Variants in NTRK3 observed in about 807,000 individuals in gnomAD.
NTRK3 encodes the protein neurotrophic receptor tyrosine kinase 3.
NTRK3 carries 24 observed loss-of-function variants against 91.7 expected under a neutral mutation model. That is an observed-to-expected ratio of 0.26 (90% confidence interval 0.19 to 0.37). The LOEUF is 0.37. Ranked by LOEUF, NTRK3 falls within the 10% of genes least tolerant of loss-of-function variation. The probability of loss-of-function intolerance (pLI) is 1.00; values close to 1 mark genes in which losing one functional copy is unlikely to be tolerated. For synonymous variants in NTRK3, 483 were observed against 404.0 expected (o/e 1.20, Z -2.34); for missense variants, 880 against 1,068.9 (o/e 0.82, Z 2.46).
intron 13 of NTRK3, among the ~76,000 whole-genome samples, chr15:88,076,691 A>G (rs1298154651): frequency 2.2e-5 from 3 of 134,600 alleles, no homozygotes; most frequent in East Asian, 2.3e-4. Flanking sequence ...AAAAAAAAAA[A>G]GCACTTAAAG....
intron 14 of NTRK3, among the ~76,000 whole-genome samples, chr15:88,008,616 T>C (rs1032021492): frequency 4.6e-5 from 7 of 152,112 alleles, no homozygotes; most frequent in African/African-American, 1.7e-4. Flanking sequence ...ACATTTTAAA[T>C]TCTACTAAGT....
In NTRK3 at chr15:87,893,704, C is replaced by T. The variant is rs953449789; in HGVS notation, c.2134-13276G>A. Reference sequence around the variant, plus strand: ...TGGATTCCAAAAATCACAGAGAAGCCTGCTTCTCACTGAGAGGTTCAAAAC... The same window carrying T: ...TGGATTCCAAAAATCACAGAGAAGCTTGCTTCTCACTGAGAGGTTCAAAAC... On this transcript the variant is annotated intron_variant, in intron 17 of 18. Coordinates refer to ENST00000394480, the Ensembl canonical transcript of NTRK3. Among the ~76,000 whole-genome samples the T allele has an allele frequency of 2.6e-5, 4 of 152,178 alleles. No individual in the cohort carries two copies. The South Asian group carries it at 8.3e-4, about 32-fold the overall frequency.
chr15:88,171,375 G>C (rs951316051), intron 5 of NTRK3, among the ~76,000 whole-genome samples: 15 of 152,140 alleles, frequency 9.9e-5, no homozygotes, highest in African/African-American at 3.4e-4. Context: ...AGAAGACATG[G>C]AGGGTCTCTG....
intron 3 of NTRK3, among the ~76,000 whole-genome samples, chr15:88,188,220 G>T (rs952759976): frequency 6.6e-6 from 1 of 152,226 alleles, no homozygotes; most frequent in Non-Finnish European, 1.5e-5. Flanking sequence ...ACAGAGAGTG[G>T]AGGGAGGAGA....
chr15:87,918,941 C>T (rs1325199985), intron 17 of NTRK3, among the ~76,000 whole-genome samples: 5 of 152,162 alleles, frequency 3.3e-5, no homozygotes, highest in African/African-American at 1.2e-4. Context: ...AACCGAGTGA[C>T]TGAACTGGGA....
chr15:88,026,225 T>C lies in NTRK3; in HGVS notation c.1585+6632A>G, dbSNP rs1433553948. Among the ~76,000 whole-genome samples, 3 of 152,024 alleles carry C rather than the reference T, an allele frequency of 2.0e-5. No individual in the cohort carries two copies. The East Asian group carries it at 5.8e-4, about 29-fold the overall frequency. ...GGTGGAGCTTGCAGTGAGCCAAGAA[T>C]GCGCCACTGCACTCCAGCCTGGGCG... is the stretch of plus-strand genomic sequence containing the variant. On this transcript the variant is annotated intron_variant, in intron 14 of 18. Coordinates refer to ENST00000394480, the Ensembl canonical transcript of NTRK3.
intron 13 of NTRK3, among the ~76,000 whole-genome samples, chr15:88,078,305 T>TA (rs955597253): frequency 3.9e-5 from 6 of 152,158 alleles, no homozygotes; most frequent in Non-Finnish European, 7.4e-5. Context: ...AAGAAGCACA[T>TA]ACCTCACATG....
At position 88,048,639 on chromosome 15, in the gene NTRK3, G is replaced by A. The variant is rs149178325; in HGVS notation, c.1397-15594C>T. Among the ~76,000 whole-genome samples the A allele has an allele frequency of 3.8e-3, 583 of 152,264 alleles. 8 individuals carry two copies. Among genetic ancestry groups the A allele is most frequent in the East Asian group, 0.011 (55 of 5,186 alleles). On this transcript the variant is annotated intron_variant, in intron 13 of 18. Coordinates refer to ENST00000394480, the Ensembl canonical transcript of NTRK3. ...ATTTTGCTCTCATGATGGGAAGACT[G>A]AATATCTGGCCCCTCCTTTTCCTGC...
At chr15:87,994,843 G>C (rs2075569358) in intron 14 of NTRK3, among the ~76,000 whole-genome samples, 1 of 152,178 alleles carries the variant, frequency 6.6e-6, no homozygotes, top group Admixed American at 6.5e-5. Context: ...AAGTGACAGT[G>C]CTAGAACTGC....
intron 17 of NTRK3, among the ~76,000 whole-genome samples, chr15:87,897,361 T>A (rs1467071750): frequency 6.6e-6 from 1 of 152,208 alleles, no homozygotes; most frequent in Non-Finnish European, 1.5e-5. Context: ...CCCCAAGCAA[T>A]GTATTTTTTA....
intron 14 of NTRK3, among the ~76,000 whole-genome samples, chr15:87,964,357 ATATAT>A (rs1409690406): frequency 1.8e-4 from 27 of 151,022 alleles, no homozygotes; most frequent in Non-Finnish European, 2.4e-4. Context: ...TAAAGTTTAC[ATATAT>A]TATATATGTT....
intron 13 of NTRK3, among the ~76,000 whole-genome samples, chr15:88,114,100 T>A (rs1401550031): frequency 1.3e-5 from 2 of 152,164 alleles, no homozygotes; most frequent in African/African-American, 4.8e-5. Flanking sequence ...TCCTGCTCTG[T>A]GCAGTCAGCA....
intron 5 of NTRK3, among the ~76,000 whole-genome samples, chr15:88,182,352 C>T (rs1348236281): frequency 6.6e-6 from 1 of 152,168 alleles, no homozygotes; most frequent in East Asian, 1.9e-4. Flanking sequence ...GATCTCTTCC[C>T]TTTCCCCACC....
At chr15:88,174,187 A>C (rs1030353481) in intron 5 of NTRK3, among the ~76,000 whole-genome samples, 1 of 152,158 alleles carries the variant, frequency 6.6e-6, no homozygotes, top group Non-Finnish European at 1.5e-5. Flanking sequence ...CCTTTCTTCC[A>C]GGAAGAATTT....
chr15:87,882,883 T>C (rs1163358031), intron 17 of NTRK3, among the ~76,000 whole-genome samples: 1 of 151,654 alleles, frequency 6.6e-6, no homozygotes, highest in Non-Finnish European at 1.5e-5. Flanking sequence ...AAGCACAAAA[T>C]GAAAATGAAG....
chr15:87,922,531 A>G (rs2067960783), intron 17 of NTRK3, among the ~76,000 whole-genome samples: 1 of 152,198 alleles, frequency 6.6e-6, no homozygotes, highest in Non-Finnish European at 1.5e-5. Flanking sequence ...AAATATCTTT[A>G]GGATCCTCTT....
chr15:88,072,579 C>G (rs1244935377), intron 13 of NTRK3: 1 of 232,416 alleles, frequency 4.3e-6, no homozygotes, highest in East Asian at 6.1e-5. Context: ...TTAAGCAAGA[C>G]AGCCAAAAGC....
At chr15:88,127,021 C>A in intron 12 of NTRK3, 141 bp downstream of exon 12, 1 of 768,996 alleles carries the variant, frequency 1.3e-6, no homozygotes, top group Non-Finnish European at 2.3e-6. Flanking sequence ...AAGGTTTAAA[C>A]TGCCTGAACG....
intron 13 of NTRK3, among the ~76,000 whole-genome samples, chr15:88,103,094 A>T (rs1180252484): frequency 6.6e-6 from 1 of 152,188 alleles, no homozygotes; most frequent in African/African-American, 2.4e-5. Context: ...AGGCTCAAGG[A>T]GGTTAGGCAA....
Sources: allele counts gnomAD v4.1 joint callset (sites outside exome capture counted in the v4.1 genomes callset), GRCh38; gene constraint gnomAD v4.1.1; transcripts MANE v1.5; gene names NCBI Gene and HGNC (gene_info 2026-07-23, HGNC 2026-07-21).